MICU3: variants seen among roughly 807,000 people sequenced by gnomAD.
MICU3 encodes mitochondrial calcium uptake 3.
Under a neutral mutation model 66.5 loss-of-function variants are expected in MICU3, and 62 were observed. The ratio of observed to expected loss-of-function variants is 0.93; its 90% CI spans 0.76 to 1.15. MICU3 has a LOEUF of 1.15. Ranked by LOEUF, MICU3 falls within the 50% of genes most tolerant of loss-of-function variation. The pLI, the probability that MICU3 is intolerant of heterozygous loss-of-function variation, is 0.00. For synonymous variants in MICU3, 308 were observed against 240.7 expected, an observed-to-expected ratio of 1.28 and a Z score of -2.59; for missense variants, 779 against 664.4, an observed-to-expected ratio of 1.17 and a Z score of -1.90.
chr8:17,035,931 C>T (rs538800824), intron 1 of MICU3, among the ~76,000 whole-genome samples: 2 of 152,164 alleles, frequency 1.3e-5, no homozygotes. Flanking sequence ...AGCAGCCCCA[C>T]CCACCACAGA....
chr8:17,068,574 A>G (rs1819071324), intron 2 of MICU3, among the ~76,000 whole-genome samples: 1 of 152,186 alleles, frequency 6.6e-6, no homozygotes, highest in Non-Finnish European at 1.5e-5. Context: ...GCTAAATTCT[A>G]ATTTGTAGAC....
intron 2 of MICU3, among the ~76,000 whole-genome samples, chr8:17,066,517 CTATATATATATA>C (rs71212675): frequency 4.5e-4 from 47 of 105,042 alleles, no homozygotes; most frequent in Non-Finnish European, 7.1e-4. Context: ...TGTTAATAAT[CTATATATATATA>C]TATATATATA....
intron 4 of MICU3, among the ~76,000 whole-genome samples, chr8:17,080,233 A>G (rs1820978318): frequency 6.6e-6 from 1 of 152,108 alleles, no homozygotes; most frequent in Non-Finnish European, 1.5e-5. Flanking sequence ...ATTAAATTAT[A>G]ATATATCATG....
At chr8:17,137,771 C>T in the MICU3 span, among the ~76,000 whole-genome samples, 2 of 132,878 alleles carry the variant, frequency 1.5e-5, no homozygotes, top group Non-Finnish European at 3.1e-5. Context: ...GGCTGGAATG[C>T]AGTGGCACAA....
chr8:17,032,211 T>A (rs968273110), intron 1 of MICU3, among the ~76,000 whole-genome samples: 27 of 152,242 alleles, frequency 1.8e-4, no homozygotes, highest in African/African-American at 6.3e-4. Flanking sequence ...TGGCACTGTA[T>A]TTATTTTAAT....
chr8:17,111,779 T>C (rs1380264762), intron 11 of MICU3, among the ~76,000 whole-genome samples: 1 of 152,220 alleles, frequency 6.6e-6, no homozygotes, highest in Non-Finnish European at 1.5e-5. Flanking sequence ...AAACAATTCC[T>C]TCCCCAATAA....
At chr8:17,057,660 C>T (rs1243757566) in intron 1 of MICU3, among the ~76,000 whole-genome samples, 2 of 152,040 alleles carry the variant, frequency 1.3e-5, no homozygotes, top group Admixed American at 6.6e-5. Flanking sequence ...CAAATGATCT[C>T]CTCCTACATT....
At chr8:17,128,924 G>C in the MICU3 span, among the ~76,000 whole-genome samples, 1 of 152,188 alleles carries the variant, frequency 6.6e-6, no homozygotes, top group African/African-American at 2.4e-5. Flanking sequence ...ATACTAAGCT[G>C]TACGTAAGCA....
intron 3 of MICU3, among the ~76,000 whole-genome samples, chr8:17,071,975 T>G (rs1819651363): frequency 6.6e-6 from 1 of 152,154 alleles, no homozygotes; most frequent in Non-Finnish European, 1.5e-5. Flanking sequence ...CCTCCAAATC[T>G]ATCTATAAAT....
rs1189914318 is a variant in MICU3, at chr8:17,104,651, C to T, written c.1085+160C>T. The stretch of plus-strand genomic sequence containing the variant: ...ACCCACATTTATCAGTACCTACATA[C>T]CAGTGGTTATATTGATAATTATAAC... On this transcript the variant is annotated intron_variant, in intron 10 of 14. Transcript: ENST00000318063. 7.2e-5 allele frequency among the ~76,000 whole-genome samples: 11 copies of T among 151,882 alleles called. 1 individual carries two copies.
intron 1 of MICU3, among the ~76,000 whole-genome samples, chr8:17,041,317 A>T (rs1324799587): frequency 6.6e-6 from 1 of 152,112 alleles, no homozygotes; most frequent in African/African-American, 2.4e-5. Context: ...AAAAAAGGTA[A>T]TACTATATTT....
intron 1 of MICU3, among the ~76,000 whole-genome samples, chr8:17,029,346 G>C (rs1811607385): frequency 6.6e-6 from 1 of 152,044 alleles, no homozygotes; most frequent in Admixed American, 6.6e-5. Context: ...TGTGGTGTTG[G>C]GCGCTTGTAA....
chr8:17,087,459 A>G (rs1799595350), intron 7 of MICU3, among the ~76,000 whole-genome samples: 1 of 152,026 alleles, frequency 6.6e-6, no homozygotes, highest in Non-Finnish European at 1.5e-5. Context: ...TCTTAGATGT[A>G]TATATTAGAG....
At chr8:17,045,048 T>TCA (rs1439072463) in intron 1 of MICU3, among the ~76,000 whole-genome samples, 1 of 152,186 alleles carries the variant, frequency 6.6e-6, no homozygotes, top group African/African-American at 2.4e-5. Context: ...GGGCTCTTTT[T>TCA]TTTTTTTAAA....
chr8:17,035,827 A>C lies in MICU3; in HGVS notation c.381+8167A>C, dbSNP rs1315362855. Among the ~76,000 whole-genome samples, 3 of 152,222 alleles carry C rather than the reference A, an allele frequency of 2.0e-5. No homozygotes were observed. The South Asian group carries it at 6.2e-4, about 31-fold the overall frequency. ...AACCCCATTTTCTCAGGAGAAATTC[A>C]AGCCAGCTGCAGAAATTTGCAAAAG... is the stretch of plus-strand genomic sequence containing the variant. On this transcript the variant is annotated intron_variant, in intron 1 of 14. Coordinates refer to ENST00000318063, the MANE Select transcript of MICU3 (RefSeq NM_181723.3).
intron 8 of MICU3, among the ~76,000 whole-genome samples, chr8:17,093,592 A>T (rs985405681): frequency 1.3e-5 from 2 of 151,972 alleles, no homozygotes; most frequent in African/African-American, 2.4e-5. Flanking sequence ...ACATTACAAT[A>T]GATTTGTTAA....
chr8:17,124,453 G>C (rs937144267), downstream of MICU3, among the ~76,000 whole-genome samples: 5 of 151,944 alleles, frequency 3.3e-5, no homozygotes. Flanking sequence ...TAAGGTAATA[G>C]GTAAGGTTTT....
rs181579789 is a variant in MICU3 at position 17,088,960 on chromosome 8, A to T, written c.850-1586A>T. Among the ~76,000 whole-genome samples the T allele has an allele frequency of 2.6e-4, 39 of 152,134 alleles. No homozygotes were observed. The East Asian group carries it at 6.0e-3, about 23-fold the overall frequency. ...ATTATATAATCTAAATTATACCAGC[A>T]TACCCTAAGTTGTATTATTTTATTT... is the stretch of plus-strand genomic sequence containing the variant. On this transcript the variant is annotated intron_variant, in intron 7 of 14. Transcript: ENST00000318063.
chr8:17,083,823 A>C (rs3850760), intron 5 of MICU3, among the ~76,000 whole-genome samples: 92,411 of 151,838 alleles, frequency 0.61, 30,023 homozygotes, highest in African/African-American at 0.84. Context: ...ACCTTGTTTG[A>C]CAAAACAATG....
Sources: gnomAD v4.1 joint callset for allele counts (sites outside exome capture counted in the v4.1 genomes callset) on GRCh38, gnomAD v4.1.1 for gene constraint, MANE v1.5 for transcripts, NCBI Gene and HGNC (gene_info 2026-07-23, HGNC 2026-07-21) for gene names.